DOCK4: variants seen among roughly 807,000 people sequenced by gnomAD.
DOCK4 encodes dedicator of cytokinesis protein 4.
In DOCK4, 97 loss-of-function variants were observed where a neutral mutation model predicts 268.1. That is an observed-to-expected ratio of 0.36 (90% confidence interval 0.31 to 0.43). The LOEUF (loss-of-function observed/expected upper bound fraction) is 0.43. DOCK4 is among the 20% of genes least tolerant of loss of function. The pLI is 1.00. For synonymous variants in DOCK4, 954 were observed against 887.2 expected, an observed-to-expected ratio of 1.08 and a Z score of -1.34; for missense variants, 2,145 against 2,455.7, an observed-to-expected ratio of 0.87 and a Z score of 2.67.
chr7:112,185,714 C>T (rs947386732), intron 1 of DOCK4, among the ~76,000 whole-genome samples: 1 of 152,230 alleles, frequency 6.6e-6, no homozygotes, highest in Non-Finnish European at 1.5e-5. Context: ...CTCCCTTGTA[C>T]TGCCACAGAT....
At chr7:112,161,314 C>A (rs1817103162) in intron 1 of DOCK4, among the ~76,000 whole-genome samples, 1 of 152,130 alleles carries the variant, frequency 6.6e-6, no homozygotes, top group Non-Finnish European at 1.5e-5. Flanking sequence ...ATTGCAAAAT[C>A]CACGTAAGAA....
At chr7:112,011,745 TC>T (rs1319117536) in intron 1 of DOCK4, among the ~76,000 whole-genome samples, 9 of 89,724 alleles carry the variant, frequency 1.0e-4, no homozygotes, top group African/African-American at 2.4e-4. Flanking sequence ...GAACTGAAGG[TC>T]AAAAAAAAAA....
At chr7:111,786,286 C>T (rs1799159095) in intron 32 of DOCK4, among the ~76,000 whole-genome samples, 1 of 152,152 alleles carries the variant, frequency 6.6e-6, no homozygotes, top group Admixed American at 6.5e-5. Context: ...GTAGGTAGAC[C>T]TACTGTATGC....
At chr7:112,083,576 TA>T (rs1429334718) in intron 1 of DOCK4, among the ~76,000 whole-genome samples, 1 of 151,918 alleles carries the variant, frequency 6.6e-6, no homozygotes, top group Non-Finnish European at 1.5e-5. Context: ...TAAAATAAAA[TA>T]AAAGGCCACC....
At chr7:111,778,851 T>C (rs1451974468) in intron 35 of DOCK4, among the ~76,000 whole-genome samples, 2 of 151,930 alleles carry the variant, frequency 1.3e-5, no homozygotes, top group African/African-American at 2.4e-5. Flanking sequence ...GGTCAAGAGA[T>C]TGAAACCATC....
At chr7:111,913,908 G>C (rs1473649290) in intron 13 of DOCK4, among the ~76,000 whole-genome samples, 1 of 151,900 alleles carries the variant, frequency 6.6e-6, no homozygotes, top group Non-Finnish European at 1.5e-5. Flanking sequence ...AACAAACAAA[G>C]AAACAAAAGA....
intron 1 of DOCK4, among the ~76,000 whole-genome samples, chr7:112,147,716 A>T (rs535583079): frequency 2.3e-4 from 35 of 151,822 alleles, no homozygotes; most frequent in African/African-American, 7.7e-4. Flanking sequence ...AAACCTCCGT[A>T]CTGAATTCAA....
chr7:112,194,525 G>A (rs1820247931), intron 1 of DOCK4, among the ~76,000 whole-genome samples: 1 of 152,184 alleles, frequency 6.6e-6, no homozygotes, highest in Admixed American at 6.5e-5. Flanking sequence ...TTAAAATTTT[G>A]AAACACAGTA....
intron 1 of DOCK4, among the ~76,000 whole-genome samples, chr7:112,021,730 C>T (rs1802335417): frequency 6.6e-6 from 1 of 152,114 alleles, no homozygotes; most frequent in South Asian, 2.1e-4. Context: ...GAGTTCTAGT[C>T]TAATATTTCC....
chr7:111,746,814 CTTTTTTT>C (rs59197701), intron 43 of DOCK4, among the ~76,000 whole-genome samples: 2,078 of 110,928 alleles, frequency 0.019, 33 homozygotes, highest in African/African-American at 0.037. Context: ...TCGGTCTTAT[CTTTTTTT>C]TTTTTTTTTT....
At chr7:112,083,262 A>G (rs980880079) in intron 1 of DOCK4, among the ~76,000 whole-genome samples, 1 of 152,128 alleles carries the variant, frequency 6.6e-6, no homozygotes, top group African/African-American at 2.4e-5. Context: ...TGATATGTGA[A>G]TACCATCACA....
intron 30 of DOCK4, among the ~76,000 whole-genome samples, chr7:111,794,404 C>T (rs1269092378): frequency 6.6e-6 from 1 of 152,100 alleles, no homozygotes; most frequent in African/African-American, 2.4e-5. Flanking sequence ...TGAATGAAAT[C>T]ACATGGGGGA....
chr7:111,806,579 A>G (rs955700647), intron 30 of DOCK4, among the ~76,000 whole-genome samples: 6 of 152,214 alleles, frequency 3.9e-5, no homozygotes, highest in Middle Eastern at 3.2e-3. Flanking sequence ...CTTTTCTAAC[A>G]GCGTCTTAGG....
At chr7:111,762,767 T>TTTTTTTTTTTTTTTTTTTTG (rs1797524196) in intron 39 of DOCK4, among the ~76,000 whole-genome samples, 1 of 94,146 alleles carries the variant, frequency 1.1e-5, no homozygotes, top group African/African-American at 4.4e-5. Context: ...GTTTTCTTTT[T>TTTTTTTTTTTTTTTTTTTTG]TTTTTTTTTT....
At chr7:112,100,925 G>T (rs2135810233) in intron 1 of DOCK4, among the ~76,000 whole-genome samples, 1 of 152,178 alleles carries the variant, frequency 6.6e-6, no homozygotes, top group South Asian at 2.1e-4. Context: ...TTAAAGAATG[G>T]GTTATATTCC....
At chr7:111,960,346 A>G (rs1018458574) in intron 8 of DOCK4, among the ~76,000 whole-genome samples, 42 of 150,344 alleles carry the variant, frequency 2.8e-4, no homozygotes, top group African/African-American at 9.0e-4. Flanking sequence ...CCTGGGCAAC[A>G]GAGCGAGGCT....
At chr7:112,171,740 T>C (rs1818100990) in intron 1 of DOCK4, among the ~76,000 whole-genome samples, 1 of 152,232 alleles carries the variant, frequency 6.6e-6, no homozygotes, top group African/African-American at 2.4e-5. Context: ...TTCCCAAATA[T>C]TTCAAACAAT....
rs144045255 is a variant in DOCK4 at position 111,973,156 on chromosome 7, CATATATAT to C, written c.701+3968_701+3975del. ...TATATGGCTGACTAGTATTCCATGG[CATATATAT>C]ATATATATATATATATATATATAAT... On this transcript the variant is annotated intron_variant, in intron 8 of 52. Coordinates refer to ENST00000428084, the MANE Select transcript of DOCK4 (RefSeq NM_001363540.2). Among the ~76,000 whole-genome samples the C allele has an allele frequency of 6.1e-4, 70 of 114,048 alleles. 1 individual carries two copies. Among genetic ancestry groups the C allele is most frequent in the African/African-American group, 1.6e-3 (43 of 27,700 alleles). The allele number at this position is 114,048 out of a possible 152,430, so 74.8% of individuals were successfully genotyped here.
intron 7 of DOCK4, among the ~76,000 whole-genome samples, chr7:111,981,867 A>G (rs572710745): frequency 5.3e-5 from 8 of 152,280 alleles, no homozygotes; most frequent in Admixed American, 5.2e-4. Flanking sequence ...GCCACCCACC[A>G]ATAAACTGGA....
Sources: gnomAD v4.1 joint callset for allele counts (sites outside exome capture counted in the v4.1 genomes callset) on GRCh38, gnomAD v4.1.1 for gene constraint, MANE v1.5 for transcripts, NCBI Gene and HGNC (gene_info 2026-07-23, HGNC 2026-07-21) for gene names.